Variants in ABLIM2 observed in about 807,000 individuals in gnomAD.
The protein encoded by ABLIM2 is actin binding LIM protein family member 2.
A neutral mutation model predicts 97.7 loss-of-function variants in ABLIM2; 53 were observed. The ratio of observed to expected loss-of-function variants is 0.54; its 90% CI spans 0.44 to 0.68. The LOEUF (loss-of-function observed/expected upper bound fraction) is 0.68. Among genes scored for constraint, ABLIM2 ranks in the 30% least tolerant of loss-of-function variants. The probability of loss-of-function intolerance (pLI) is 0.00; values close to 1 mark genes in which losing one functional copy is unlikely to be tolerated. For missense variants in ABLIM2, 835 were observed against 867.2 expected (o/e 0.96, Z 0.47); for synonymous variants, 361 against 345.8 (o/e 1.04, Z -0.49).
rs546339183 is a variant in ABLIM2 at position 8,096,076 on chromosome 4, C to T, written c.338+1023G>A. Among the ~76,000 whole-genome samples, 718 of 152,280 alleles carry T rather than the reference C, an allele frequency of 4.7e-3. 5 individuals are homozygous for T. The highest frequency in any genetic ancestry group is 8.4e-3 in the Non-Finnish European group (570 of 68,018). The stretch of plus-strand genomic sequence containing the variant: ...TGTCTCCTGCCTCAGGACGATGCCA[C>T]GCTCCCCTTGGGTCTCTCCCCCAAC... On this transcript the variant is annotated intron_variant, in intron 3 of 20. Coordinates refer to ENST00000447017, the MANE Select transcript of ABLIM2 (RefSeq NM_001130083.2).
intron 4 of ABLIM2, among the ~76,000 whole-genome samples, chr4:8,086,406 G>A (rs977138272): frequency 8.8e-5 from 13 of 147,592 alleles, no homozygotes; most frequent in African/African-American, 3.3e-4. Context: ...GGAGTGCAGT[G>A]GTGCAATCCC....
chr4:8,150,212 T>C lies in ABLIM2; in HGVS notation c.10+8468A>G, dbSNP rs1217503668. ...AGCTGCAGCATCAACTGATGTCATT[T>C]TCCATGTGCGATCCCGGGGACACTG... On this transcript the variant is annotated intron_variant, in intron 1 of 20. Transcript: ENST00000447017. This position sits in a 1 kb window ranked among gnomAD's most constrained non-coding sequence, Gnocchi z 6.3. Among the ~76,000 whole-genome samples the C allele has an allele frequency of 6.6e-6, 1 of 152,188 alleles. No individual in the cohort carries two copies. The highest frequency in any genetic ancestry group is 1.5e-5 in the Non-Finnish European group (1 of 68,028).
intron 17 of ABLIM2, among the ~76,000 whole-genome samples, chr4:7,991,291 G>A (rs564337826): frequency 6.6e-4 from 100 of 152,340 alleles, no homozygotes; most frequent in African/African-American, 1.7e-3. Flanking sequence ...CAGCCCAGGC[G>A]TCAGTGACGC....
chr4:8,093,995 G>A (rs1249575325), intron 3 of ABLIM2, among the ~76,000 whole-genome samples: 2 of 152,074 alleles, frequency 1.3e-5, no homozygotes, highest in Non-Finnish European at 2.9e-5. Context: ...AGATCCCTGA[G>A]GTGCTTTTTG....
At chr4:8,078,487 G>A (rs545159980) in intron 5 of ABLIM2, among the ~76,000 whole-genome samples, 3 of 152,326 alleles carry the variant, frequency 2.0e-5, no homozygotes, top group Admixed American at 1.3e-4. Context: ...CCGTCTGCGG[G>A]GTCATCCCTG....
chr4:8,074,230 G>C lies in ABLIM2; in HGVS notation c.675+3398C>G, dbSNP rs185991706. On this transcript the variant is annotated intron_variant, in intron 6 of 20. Transcript: ENST00000447017. ...GCACTTTGGGAGGCTGAGGTGGAAG[G>C]ATCACTTGAGGCCAAGAGTTCCAGG... Among the ~76,000 whole-genome samples the C allele has an allele frequency of 5.9e-5, 9 of 152,154 alleles. No homozygotes were observed. The East Asian group carries it at 1.7e-3, about 29-fold the overall frequency.
Position 8,023,584 on chromosome 4 carries a change from G to A in ABLIM2, c.1268-3281C>T, listed in dbSNP as rs575112294. On this transcript the variant is annotated intron_variant, in intron 12 of 20. Coordinates refer to ENST00000447017, the MANE Select transcript of ABLIM2 (RefSeq NM_001130083.2). The surrounding 1 kb of genome is among the most constrained non-coding windows in gnomAD (Gnocchi z 5.7). ...CGTCAGCCATGGTGGCCTGCTCCAC[G>A]GTGGACTTGCTCCTTCTCTCCCCTC... 3.3e-5 allele frequency among the ~76,000 whole-genome samples: 5 copies of A among 152,248 alleles called. No individual in the cohort carries two copies. Among genetic ancestry groups the A allele is most frequent in the South Asian group, 2.1e-4 (1 of 4,804 alleles).
At chr4:8,007,477 C>T in intron 16 of ABLIM2, 1 of 985,546 alleles carries the variant, frequency 1.0e-6, no homozygotes, top group Non-Finnish European at 1.2e-6. Context: ...TACTGGTTTT[C>T]ACCTATGATT....
intron 2 of ABLIM2, among the ~76,000 whole-genome samples, chr4:8,100,860 C>G (rs1834230482): frequency 1.3e-5 from 2 of 151,542 alleles, no homozygotes; most frequent in African/African-American, 4.8e-5. Flanking sequence ...AGAGTGACGA[C>G]TACATTTACT....
rs375389542 is a variant in ABLIM2, at chr4:7,990,698, A to T, written c.1680+2168T>A. ...CACTGTAGGCCATCAGCAACAGGGC[A>T]GGGGCACGCACTCCCAGGGCATCTC... On this transcript the variant is annotated intron_variant, in intron 17 of 20. Transcript: ENST00000447017. 1.5e-3 allele frequency among the ~76,000 whole-genome samples: 224 copies of T among 152,252 alleles called. 2 individuals carry two copies. The highest frequency in any genetic ancestry group is 4.8e-3 in the African/African-American group (200 of 41,538).
chr4:8,028,402 T>C (rs1005065532), intron 11 of ABLIM2, among the ~76,000 whole-genome samples: 4 of 152,074 alleles, frequency 2.6e-5, no homozygotes, highest in Non-Finnish European at 5.9e-5. Flanking sequence ...CACTCATTTA[T>C]TCACTCATTC....
At chr4:7,967,233 C>G in intron 20 of ABLIM2, 130 bp from the exon 21 acceptor site, 1 of 754,260 alleles carries the variant, frequency 1.3e-6, no homozygotes, top group Non-Finnish European at 2.3e-6. Context: ...TCAGCGTGCT[C>G]GGCCTCCTGG....
In ABLIM2 at chr4:8,067,415, C is replaced by G. The variant is rs1349866565; in HGVS notation, c.676-6361G>C. The G allele has an allele frequency of 6.6e-6, 1 of 152,398 alleles. No homozygotes were observed. The highest frequency in any genetic ancestry group is 1.5e-5 in the Non-Finnish European group (1 of 68,204). The allele number at this position is 152,398 out of a possible 1,614,324, so 9.4% of individuals were successfully genotyped here. On this transcript the variant is annotated intron_variant, in intron 6 of 20. Coordinates refer to ENST00000447017, the MANE Select transcript of ABLIM2 (RefSeq NM_001130083.2). The surrounding 1 kb of genome is among the most constrained non-coding windows in gnomAD (Gnocchi z 5.4). ...CCTGGCCCATGGCACAGAGGAGCAG[C>G]CTGGGGTCTGAGAAGTCACACAGCA... is the stretch of plus-strand genomic sequence containing the variant.
At position 8,150,438 on chromosome 4, in the gene ABLIM2, T is replaced by C. The variant is rs1210605341; in HGVS notation, c.10+8242A>G. On this transcript the variant is annotated intron_variant, in intron 1 of 20. Transcript: ENST00000447017. The surrounding 1 kb of genome is among the most constrained non-coding windows in gnomAD (Gnocchi z 6.3). The stretch of plus-strand genomic sequence containing the variant: ...GCCAGTACAAGGCCCCATCGTGCCC[T>C]GAGGACAGACGCCAGCGAGGACAGA... Among the ~76,000 whole-genome samples, 1 of 152,184 alleles carries C rather than the reference T, an allele frequency of 6.6e-6. No individual in the cohort carries two copies. Among genetic ancestry groups the C allele is most frequent in the African/African-American group, 2.4e-5 (1 of 41,434 alleles).
intron 2 of ABLIM2, among the ~76,000 whole-genome samples, chr4:8,105,289 C>A (rs1022558045): frequency 6.6e-6 from 1 of 152,336 alleles, no homozygotes; most frequent in South Asian, 2.1e-4. Context: ...CACACATATA[C>A]TTGGTTTTTA....
intron 20 of ABLIM2, among the ~76,000 whole-genome samples, chr4:7,978,806 C>T (rs978556915): frequency 5.3e-5 from 8 of 152,234 alleles, no homozygotes; most frequent in Admixed American, 1.3e-4. Flanking sequence ...CTGAAGAATG[C>T]GTCCCCGCAG....
chr4:7,984,719 G>A lies in ABLIM2; in HGVS notation c.1735+120C>T, dbSNP rs1197391235. 14 of 1,128,190 alleles carry A rather than the reference G, an allele frequency of 1.2e-5. No homozygotes were observed. In the East Asian group the frequency reaches 2.7e-4, roughly 22 times the overall value. The allele number at this position is 1,128,190 out of a possible 1,614,324, so 69.9% of individuals were successfully genotyped here. On this transcript the variant is annotated intron_variant, in intron 18 of 20. Transcript: ENST00000447017. The stretch of plus-strand genomic sequence containing the variant: ...GCACGCCCTCCCCCGAGGTGTCCCC[G>A]CCCGGCACTCCCGGAGCCTTCTGCA...
At chr4:8,088,705 C>T (rs1052624261) in intron 3 of ABLIM2, among the ~76,000 whole-genome samples, 9 of 152,264 alleles carry the variant, frequency 5.9e-5, no homozygotes, top group Non-Finnish European at 1.5e-5. Flanking sequence ...TGGGCATCTC[C>T]TGTGTGCCCA....
chr4:8,005,123 T>C lies in ABLIM2; in HGVS notation c.1618+2936A>G, dbSNP rs981650224. 2.6e-5 allele frequency among the ~76,000 whole-genome samples: 4 copies of C among 152,106 alleles called. No homozygotes were observed. Among genetic ancestry groups the C allele is most frequent in the Admixed American group, 6.6e-5 (1 of 15,262 alleles). ...TGTGCAGATGGTGTTGTGGGTGAGA[T>C]GAGTTTGTGATCGGGCCCTTGCGAA... On this transcript the variant is annotated intron_variant, in intron 16 of 20. Coordinates refer to ENST00000447017, the MANE Select transcript of ABLIM2 (RefSeq NM_001130083.2). The surrounding 1 kb of genome is among the most constrained non-coding windows in gnomAD (Gnocchi z 4.9).
Sources: allele counts gnomAD v4.1 joint callset (sites outside exome capture counted in the v4.1 genomes callset), GRCh38; gene constraint gnomAD v4.1.1; non-coding constraint Gnocchi (gnomAD v3.1); transcripts MANE v1.5; gene names NCBI Gene and HGNC (gene_info 2026-07-23, HGNC 2026-07-21).